The following AMMECR1 variants were observed in gnomAD, a reference collection of about 807,000 sequenced individuals.
AMMECR1 encodes nuclear protein AMMECR1.
In AMMECR1, 3 loss-of-function variants were observed where a neutral mutation model predicts 22.5. That is an observed-to-expected ratio of 0.13 (90% confidence interval 0.06 to 0.35). The LOEUF (loss-of-function observed/expected upper bound fraction) is 0.35. Ranked by LOEUF, AMMECR1 falls within the 10% of genes least tolerant of loss-of-function variation. The pLI, the probability that AMMECR1 is intolerant of heterozygous loss-of-function variation, is 1.00. For missense variants in AMMECR1, 235 were observed against 278.7 expected (o/e 0.84, Z 1.12); for synonymous variants, 130 against 116.7 (o/e 1.11, Z -0.74).
rs748826805 is a variant in AMMECR1 at position 110,413,441 on chromosome X, A to T, written c.-148+13217T>A. Among the ~76,000 whole-genome samples, 16 of 104,275 alleles carry T rather than the reference A, an allele frequency of 1.5e-4. No homozygotes were observed. In the South Asian group the frequency reaches 6.6e-3, roughly 43 times the overall value. The allele number at this position is 104,275 out of a possible 115,157, so 90.6% of individuals were successfully genotyped here. On this transcript the variant is annotated intron_variant, in intron 2 of 7. Transcript: ENST00000372057. The stretch of plus-strand genomic sequence containing the variant: ...GTTAGTCCTCCGTCCTCAGCCAAGA[A>T]CTCCTCCTTCTCATGCCATCTGGCT...
upstream of AMMECR1, among the ~76,000 whole-genome samples, chrX:110,318,853 C>T (rs1569406085): frequency 8.9e-6 from 1 of 112,315 alleles, no homozygotes; most frequent in Non-Finnish European, 1.9e-5. Flanking sequence ...AACTTACCCT[C>T]CTTGCCCCGT....
chrX:110,244,055 A>G (rs2067646380), intron 2 of AMMECR1, among the ~76,000 whole-genome samples: 1 of 111,278 alleles, frequency 9.0e-6, no homozygotes, highest in African/African-American at 3.3e-5. Flanking sequence ...TCATCTTATC[A>G]TCCTCCCCCT....
chrX:110,299,641 G>A (rs915078607), intron 1 of AMMECR1, among the ~76,000 whole-genome samples: 1 of 111,523 alleles, frequency 9.0e-6, no homozygotes, highest in African/African-American at 3.3e-5. Context: ...CTCTATATAA[G>A]ATCCTAAGAA....
intron 2 of AMMECR1, among the ~76,000 whole-genome samples, chrX:110,343,739 C>T (rs1174869176): frequency 9.0e-6 from 1 of 110,920 alleles, no homozygotes; most frequent in African/African-American, 3.3e-5. Flanking sequence ...AACTCCCATT[C>T]ACAATTGCTT....
intron 1 of AMMECR1, among the ~76,000 whole-genome samples, chrX:110,439,647 A>G (rs2068865233): frequency 8.9e-6 from 1 of 111,926 alleles, no homozygotes; most frequent in South Asian, 3.7e-4. Flanking sequence ...GGACAGGTGG[A>G]GTTTCTGGTA....
chrX:110,304,055 A>G (rs1311980703), intron 1 of AMMECR1, among the ~76,000 whole-genome samples: 1 of 112,237 alleles, frequency 8.9e-6, no homozygotes, highest in Non-Finnish European at 1.9e-5. Flanking sequence ...TCATTCCTCA[A>G]CATAAACTAA....
intron 5 of AMMECR1, among the ~76,000 whole-genome samples, chrX:110,199,090 C>T (rs888813603): frequency 2.7e-5 from 3 of 111,796 alleles, no homozygotes; most frequent in African/African-American, 9.8e-5. Context: ...TTCCCCATGT[C>T]TGGCTTTCTT....
Position 110,317,815 on chromosome X carries a change from G to A in AMMECR1, c.257C>T (p.Ser86Leu), listed in dbSNP as rs1173336893. The A allele has an allele frequency of 8.6e-7, 1 of 1,160,742 alleles. No individual in the cohort carries two copies. Among genetic ancestry groups the A allele is most frequent in the Non-Finnish European group, 1.1e-6 (1 of 869,826 alleles). The change falls in exon 1 of 6, where the codon TCG (serine) becomes TTG (leucine). Residue 86 changes from serine (S) to leucine (L), a missense_variant. By Grantham distance (145) the Ser-to-Leu change is moderately radical. This residue lies in a region of AMMECR1 where 124 missense variants were observed against 97.0 expected (regional missense o/e 1.28). Transcript: ENST00000262844. ...CCCCACTCCGCAGCTCGGAGGTGGC[G>A]ACAGGGCGATCCCCCCGCCGCCGCC... ...CGGGGGGIAL[S>L]PPPSCGVGTL...
At chrX:110,327,912 A>G (rs757300752) in intron 2 of AMMECR1, among the ~76,000 whole-genome samples, 211 of 111,865 alleles carry the variant, frequency 1.9e-3, no homozygotes, top group African/African-American at 6.6e-3. Context: ...GGAGATCAAT[A>G]TAATAAGGCC....
intron 2 of AMMECR1, among the ~76,000 whole-genome samples, chrX:110,338,647 A>G (rs1261498848): frequency 8.9e-6 from 1 of 112,120 alleles, no homozygotes; most frequent in Non-Finnish European, 1.9e-5. Flanking sequence ...GCCCTCTGAT[A>G]TTCATTATAA....
chrX:110,366,558 A>G (rs2068298558), intron 2 of AMMECR1, among the ~76,000 whole-genome samples: 1 of 111,657 alleles, frequency 9.0e-6, no homozygotes, highest in Admixed American at 9.5e-5. Flanking sequence ...TAAACTATAG[A>G]GTACTGTCCC....
chrX:110,355,275 C>A (rs951437448), intron 2 of AMMECR1, among the ~76,000 whole-genome samples: 2 of 111,853 alleles, frequency 1.8e-5, no homozygotes, highest in African/African-American at 6.5e-5. Context: ...TGGTGCACAC[C>A]TATAGTCCTA....
At chrX:110,222,843 A>G (rs1243356402) in intron 2 of AMMECR1, among the ~76,000 whole-genome samples, 2 of 111,241 alleles carry the variant, frequency 1.8e-5, no homozygotes, top group African/African-American at 6.5e-5. Context: ...TAACAGGTTC[A>G]GTAGGTTTTG....
At chrX:110,279,941 G>A (rs2067844360) in intron 1 of AMMECR1, among the ~76,000 whole-genome samples, 1 of 111,416 alleles carries the variant, frequency 9.0e-6, no homozygotes, top group Non-Finnish European at 1.9e-5. Context: ...TAAAAGAAAA[G>A]GCAGATATAA....
chrX:110,408,941 A>T (rs2068622059), intron 2 of AMMECR1, among the ~76,000 whole-genome samples: 1 of 111,974 alleles, frequency 8.9e-6, no homozygotes, highest in African/African-American at 3.2e-5. Context: ...TAATTTCAGG[A>T]TAGTAAAGGG....
intron 2 of AMMECR1, among the ~76,000 whole-genome samples, chrX:110,404,759 G>T (rs933362153): frequency 9.0e-6 from 1 of 111,288 alleles, no homozygotes; most frequent in Non-Finnish European, 1.9e-5. Flanking sequence ...ACTCTGTCAG[G>T]GTTGCTGAAA....
At chrX:110,297,170 C>T (rs1327692634) in intron 1 of AMMECR1, among the ~76,000 whole-genome samples, 1 of 111,920 alleles carries the variant, frequency 8.9e-6, no homozygotes, top group Non-Finnish European at 1.9e-5. Context: ...GATCTTTCAT[C>T]CTTTGCCAAA....
chrX:110,359,564 C>A (rs1246254506), intron 2 of AMMECR1, among the ~76,000 whole-genome samples: 6 of 111,629 alleles, frequency 5.4e-5, no homozygotes, highest in African/African-American at 2.0e-4. Context: ...AATCCAGATT[C>A]TCTGATTCTG....
At chrX:110,251,145 G>A (rs2067684436) in intron 2 of AMMECR1, among the ~76,000 whole-genome samples, 1 of 112,598 alleles carries the variant, frequency 8.9e-6, no homozygotes, top group Admixed American at 9.4e-5. Context: ...ACAAAGCAAT[G>A]AGACTGGTTT....
Sources: gnomAD v4.1 joint callset for allele counts (sites outside exome capture counted in the v4.1 genomes callset) on GRCh38, gnomAD v4.1.1 for gene constraint, gnomAD v4.1.1 regional missense constraint, MANE v1.5 for transcripts, NCBI Gene and HGNC (gene_info 2026-07-23, HGNC 2026-07-21) for gene names.